Variants in RBMS2 observed in about 807,000 individuals in gnomAD.
RBMS2 encodes the protein RNA-binding motif, single-stranded-interacting protein 2.
RBMS2 carries 38 observed loss-of-function variants against 58.4 expected under a neutral mutation model. The observed-to-expected ratio is 0.65, with a 90% CI of 0.50 to 0.85. The LOEUF (loss-of-function observed/expected upper bound fraction) is 0.85. Ranked by LOEUF, RBMS2 falls within the 40% of genes least tolerant of loss-of-function variation. RBMS2 has a pLI of 0.00. For synonymous variants in RBMS2, 151 were observed against 180.7 expected, an observed-to-expected ratio of 0.84 and a Z score of 1.32; for missense variants, 367 against 503.7, an observed-to-expected ratio of 0.73 and a Z score of 2.60.
Position 56,577,685 on chromosome 12 carries a change from T to C in RBMS2, c.543-3499T>C, listed in dbSNP as rs553084928. Among the ~76,000 whole-genome samples, 211 of 151,884 alleles carry C rather than the reference T, an allele frequency of 1.4e-3. 3 individuals carry two copies. The highest frequency in any genetic ancestry group is 4.0e-4 in the Non-Finnish European group (27 of 67,956). ...GTGGGGGCAGCAAATTTTTTAATTT[T>C]TTAATTTTTTTTTTGGAGATGGAGT... On this transcript the variant is annotated intron_variant, in intron 5 of 13. Transcript: ENST00000262031.
chr12:56,571,222 T>C (rs2939305), intron 4 of RBMS2, among the ~76,000 whole-genome samples: 142,199 of 152,236 alleles, frequency 0.93, 66,942 homozygotes, highest in East Asian at 1. Context: ...CAGTGAACTC[T>C]GCATCTGGCT....
At chr12:56,582,202 T>TTTAA (rs1162319450) in intron 9 of RBMS2, 50 bp downstream of exon 9, 1 of 1,469,460 alleles carries the variant, frequency 6.8e-7, no homozygotes. Flanking sequence ...ACTACTGTGC[T>TTTAA]TTAAGTGAAG....
At position 56,588,895 on chromosome 12, in the gene RBMS2, ATGCGCAAGATGACCCCCCTCCT is replaced by A. The variant is rs1453961884; in HGVS notation, c.1144-34_1144-13del. 1.3e-6 allele frequency: 2 copies of A among 1,572,294 alleles called. No homozygotes were observed. The highest frequency in any genetic ancestry group is 4.5e-5 in the East Asian group (2 of 44,666). ...TGCTGTAGTGGAGGTGAGGAAAGGA[ATGCGCAAGATGACCCCCCTCCT>A]TGGCTATGGCACAGGAGAGCAGCGG... On this transcript the variant is annotated splice_polypyrimidine_tract_variant and intron_variant, in intron 12 of 13. Transcript: ENST00000262031.
At chr12:56,568,900 T>G in intron 2 of RBMS2, 75 bp from the exon 3 acceptor site, 361 of 1,247,178 alleles carry the variant, frequency 2.9e-4, no homozygotes, top group Middle Eastern at 5.6e-4. Flanking sequence ...ATGGATTTGT[T>G]GAGATGTCTG....
Position 56,581,866 on chromosome 12 carries a change from G to A in RBMS2, c.766G>A (p.Ala256Thr). The A allele has an allele frequency of 6.2e-7, 1 of 1,614,132 alleles. No homozygotes were observed. Among genetic ancestry groups the A allele is most frequent in the South Asian group, 1.1e-5 (1 of 91,088 alleles). The change falls in exon 8 of 14, where the codon GCT becomes ACT. Residue 256 changes from alanine to threonine, a missense_variant. This residue lies in a region of RBMS2 where 220 missense variants were observed against 261.1 expected (regional missense o/e 0.84). Coordinates refer to ENST00000262031, the MANE Select transcript of RBMS2 (RefSeq NM_002898.4). ...GGCCTTGACCTATGACCCCACCACA[G>A]CTCTTCAGAATGGGTAAGGTTTTAT... The part of the protein sequence containing the change: ...VMALTYDPTT[A>T]LQNGFYPAPY...
At chr12:56,578,271 G>C (rs1040981992) in intron 5 of RBMS2, among the ~76,000 whole-genome samples, 1 of 152,012 alleles carries the variant, frequency 6.6e-6, no homozygotes, top group Non-Finnish European at 1.5e-5. Context: ...TGGGATTACA[G>C]GTGCATGCCA....
intron 9 of RBMS2, among the ~76,000 whole-genome samples, chr12:56,584,896 T>G (rs978968411): frequency 6.7e-6 from 1 of 148,664 alleles, no homozygotes; most frequent in African/African-American, 2.5e-5. Context: ...CAATCTCAGC[T>G]CACTGCAACC....
At chr12:56,536,076 C>A (rs898315983) in intron 1 of RBMS2, among the ~76,000 whole-genome samples, 1 of 151,386 alleles carries the variant, frequency 6.6e-6, no homozygotes, top group Admixed American at 6.6e-5. Context: ...TGGCGCACAC[C>A]GTAATCCCAG....
At chr12:56,526,566 G>A (rs1872675340) in intron 1 of RBMS2, among the ~76,000 whole-genome samples, 1 of 148,458 alleles carries the variant, frequency 6.7e-6, no homozygotes, top group African/African-American at 2.5e-5. Context: ...AATAGTTACT[G>A]AAGGGGAAAA....
chr12:56,556,910 T>C (rs902987162), intron 1 of RBMS2, among the ~76,000 whole-genome samples: 1 of 152,150 alleles, frequency 6.6e-6, no homozygotes, highest in Non-Finnish European at 1.5e-5. Context: ...GATTCAAAGA[T>C]AGGCAACTCA....
chr12:56,549,753 G>A (rs1406187133), intron 1 of RBMS2, among the ~76,000 whole-genome samples: 2 of 152,088 alleles, frequency 1.3e-5, no homozygotes, highest in Non-Finnish European at 2.9e-5. Flanking sequence ...CAGGCAAGGT[G>A]CGGGGGCTCA....
chr12:56,578,792 C>T (rs969931351), intron 5 of RBMS2, among the ~76,000 whole-genome samples: 1 of 151,850 alleles, frequency 6.6e-6, no homozygotes, highest in African/African-American at 2.4e-5. Flanking sequence ...TGGTGAAACC[C>T]CATCTCTACT....
intron 1 of RBMS2, among the ~76,000 whole-genome samples, chr12:56,552,997 C>T (rs1462375162): frequency 7.8e-6 from 1 of 128,774 alleles, no homozygotes; most frequent in Non-Finnish European, 1.6e-5. Context: ...GGTGCACTCT[C>T]GGCTCACTGC....
At chr12:56,574,802 A>G (rs1467595274) in intron 5 of RBMS2, among the ~76,000 whole-genome samples, 3 of 152,224 alleles carry the variant, frequency 2.0e-5, no homozygotes. Context: ...AAATGTATTC[A>G]AATGAGATCT....
At position 56,589,638 on chromosome 12, in the gene RBMS2, G is replaced by A. The variant is rs1284287040; in HGVS notation, c.*505G>A. 3 of 166,356 alleles carry A rather than the reference G, an allele frequency of 1.8e-5. No individual in the cohort carries two copies. The Admixed American group carries it at 1.8e-4, about 10-fold the overall frequency. 10.3% of individuals were successfully genotyped at this position (166,356 alleles called of 1,614,324 possible). On this transcript the variant is annotated 3_prime_UTR_variant, in exon 14 of 14. Transcript: ENST00000262031. ...GAGCTTAGTTATGGACTTTTTTGATGCATGTGTGTATGTGTTTTAAAAAGT... is the reference window on the plus strand; with the variant it reads ...GAGCTTAGTTATGGACTTTTTTGATACATGTGTGTATGTGTTTTAAAAAGT...
At chr12:56,530,350 C>CTTTTTTTT (rs71081373) in intron 1 of RBMS2, among the ~76,000 whole-genome samples, 1 of 63,774 alleles carries the variant, frequency 1.6e-5, no homozygotes, top group African/African-American at 4.9e-5. Context: ...TTTCTTTTTC[C>CTTTTTTTT]TTTTTTTTTT....
intron 2 of RBMS2, among the ~76,000 whole-genome samples, chr12:56,564,370 C>G (rs1040234128): frequency 2.0e-5 from 3 of 152,080 alleles, no homozygotes; most frequent in Admixed American, 6.6e-5. Flanking sequence ...CATGTCCCTA[C>G]GCTTTTTTTT....
At position 56,592,910 on chromosome 12, in the gene RBMS2, G is replaced by T. The variant is rs1885408485; in HGVS notation, c.*3777G>T. ...CAGTCTTGAATTCCTGGGCCCAAGG[G>T]TTCTTCCCACCTAAGCCTCCCAAGT... On this transcript the variant is annotated 3_prime_UTR_variant, in exon 14 of 14. Coordinates refer to ENST00000262031, the MANE Select transcript of RBMS2 (RefSeq NM_002898.4). 1 of 151,878 alleles carries T rather than the reference G, an allele frequency of 6.6e-6. No homozygotes were observed. Among genetic ancestry groups the T allele is most frequent in the African/African-American group, 2.4e-5 (1 of 41,270 alleles). 9.4% of individuals were successfully genotyped at this position (151,878 alleles called of 1,614,324 possible).
chr12:56,551,131 A>G (rs1878199633), intron 1 of RBMS2, among the ~76,000 whole-genome samples: 1 of 130,972 alleles, frequency 7.6e-6, no homozygotes. Context: ...AAAAAAAAAA[A>G]AGAAAAAAAA....
Sources: gnomAD v4.1 joint callset for allele counts (sites outside exome capture counted in the v4.1 genomes callset) on GRCh38, gnomAD v4.1.1 for gene constraint, gnomAD v4.1.1 regional missense constraint, MANE v1.5 for transcripts, NCBI Gene and HGNC (gene_info 2026-07-23, HGNC 2026-07-21) for gene names.